Variants in DAB2IP observed in about 807,000 individuals in gnomAD.
The protein encoded by DAB2IP is DAB2 interacting protein.
DAB2IP carries 28 observed loss-of-function variants against 107.2 expected under a neutral mutation model. The ratio of observed to expected loss-of-function variants is 0.26; its 90% CI spans 0.19 to 0.36. The LOEUF (loss-of-function observed/expected upper bound fraction) is 0.36. DAB2IP is among the 10% of genes least tolerant of loss of function. The pLI is 1.00. For missense variants in DAB2IP, 1,400 were observed against 1,644.7 expected, an observed-to-expected ratio of 0.85 and a Z score of 2.57; for synonymous variants, 755 against 706.4, an observed-to-expected ratio of 1.07 and a Z score of -1.09.
chr9:121,642,033 T>C (rs13289393), intron 1 of DAB2IP, among the ~76,000 whole-genome samples: 419 of 11,366 alleles, frequency 0.037, 2 homozygotes, highest in East Asian at 0.057. Context: ...CTCTCTCTCT[T>C]TCTTTCTTTC....
chr9:121,691,519 C>CAA (rs528251007), intron 2 of DAB2IP, among the ~76,000 whole-genome samples: 29 of 73,634 alleles, frequency 3.9e-4, no homozygotes, highest in Non-Finnish European at 5.1e-4. Context: ...GACTCCATGT[C>CAA]AAAAAAAAAA....
intron 3 of DAB2IP, among the ~76,000 whole-genome samples, chr9:121,719,015 G>A (rs188781124): frequency 2.3e-4 from 35 of 152,308 alleles, no homozygotes; most frequent in Admixed American, 2.3e-3. Flanking sequence ...TGAGGGCACT[G>A]GATGGGATCT....
exon 16 of DAB2IP, chr9:121,783,457 G>A: frequency 6.2e-7 from 1 of 1,613,172 alleles, no homozygotes; most frequent in Non-Finnish European, 8.5e-7. Flanking sequence ...TCCTTCCTCT[G>A]AGTGATGGTT....
chr9:121,761,010 C>T (rs1439859550), intron 6 of DAB2IP, among the ~76,000 whole-genome samples: 6 of 152,294 alleles, frequency 3.9e-5, no homozygotes, highest in South Asian at 4.1e-4. Flanking sequence ...AAGCGGGAAT[C>T]GTCTGAGACC....
chr9:121,774,040 C>G (rs1449318766), intron 12 of DAB2IP, among the ~76,000 whole-genome samples: 1 of 152,194 alleles, frequency 6.6e-6, no homozygotes, highest in East Asian at 1.9e-4. Flanking sequence ...GAGTGTGGTG[C>G]TCAGGAGGCC....
At chr9:121,768,352 T>TG (rs1834448384) in intron 9 of DAB2IP, 80 bp from the exon 10 acceptor site, 2 of 1,443,396 alleles carry the variant, frequency 1.4e-6, no homozygotes, top group East Asian at 4.6e-5. Flanking sequence ...GGAAAGCGGG[T>TG]GGTGGTGTCC....
intron 3 of DAB2IP, among the ~76,000 whole-genome samples, chr9:121,704,942 G>A (rs1829981084): frequency 6.6e-6 from 1 of 152,224 alleles, no homozygotes; most frequent in African/African-American, 2.4e-5. Flanking sequence ...TTGTACTTGA[G>A]CCCCATGGGC....
intron 3 of DAB2IP, among the ~76,000 whole-genome samples, chr9:121,704,860 C>T (rs1829976956): frequency 6.6e-6 from 1 of 152,206 alleles, no homozygotes; most frequent in Non-Finnish European, 1.5e-5. Context: ...CTGAGGCACA[C>T]AGTCAAAGGC....
Position 121,699,311 on chromosome 9 carries a change from C to T in DAB2IP, c.229-14C>T, listed in dbSNP as rs547336350. 6.6e-6 allele frequency: 9 copies of T among 1,366,092 alleles called. No individual in the cohort carries two copies. The highest frequency in any genetic ancestry group is 7.9e-5 in the East Asian group (2 of 25,336). 84.6% of individuals were successfully genotyped at this position (1,366,092 alleles called of 1,614,324 possible). A position where few individuals can be genotyped will look rare whatever the true frequency, so the allele number is the denominator to read the frequency against. On this transcript the variant is annotated splice_polypyrimidine_tract_variant and intron_variant, in intron 2 of 15. Transcript: ENST00000408936. This position sits in a 1 kb window ranked among gnomAD's most constrained non-coding sequence, Gnocchi z 6.2. Reference sequence around the variant, plus strand: ...CCCCGCCTCCCCTTCCCCCTCTTGTCCCCCCGTGCGCAGGGCTTCCTCAGC... The same window carrying T: ...CCCCGCCTCCCCTTCCCCCTCTTGTTCCCCCGTGCGCAGGGCTTCCTCAGC...
At chr9:121,652,290 C>T (rs1832776040) in intron 1 of DAB2IP, among the ~76,000 whole-genome samples, 1 of 152,164 alleles carries the variant, frequency 6.6e-6, no homozygotes, top group African/African-American at 2.4e-5. Context: ...CTTCCCTTTC[C>T]AGGAACTTAA....
chr9:121,572,456 G>T (rs997459165), intron 1 of DAB2IP, among the ~76,000 whole-genome samples: 5 of 152,162 alleles, frequency 3.3e-5, no homozygotes, highest in African/African-American at 1.2e-4. Context: ...ATTAATGAGT[G>T]GCATGAGCTG....
intron 1 of DAB2IP, among the ~76,000 whole-genome samples, chr9:121,593,683 T>C (rs1201400953): frequency 6.7e-6 from 1 of 149,824 alleles, no homozygotes; most frequent in Admixed American, 6.6e-5. Context: ...CTTTTTTTTT[T>C]TTGTGACGGA....
At chr9:121,713,624 G>T (rs1830445321) in intron 3 of DAB2IP, among the ~76,000 whole-genome samples, 1 of 152,152 alleles carries the variant, frequency 6.6e-6, no homozygotes, top group Non-Finnish European at 1.5e-5. Flanking sequence ...GTTCCAGCTG[G>T]CTTGTCTTTC....
At chr9:121,582,237 A>G (rs985728790) in intron 1 of DAB2IP, among the ~76,000 whole-genome samples, 4 of 152,150 alleles carry the variant, frequency 2.6e-5, no homozygotes, top group African/African-American at 9.7e-5. Context: ...GGGGAGAGCA[A>G]GCTTTGAACT....
chr9:121,589,519 G>A (rs1162804664), intron 1 of DAB2IP, among the ~76,000 whole-genome samples: 1 of 152,146 alleles, frequency 6.6e-6, no homozygotes, highest in African/African-American at 2.4e-5. Flanking sequence ...TCCCAAGGCT[G>A]GTAGCAGAGC....
At chr9:121,642,087 C>T (rs1203896881) in intron 1 of DAB2IP, among the ~76,000 whole-genome samples, 1 of 129,340 alleles carries the variant, frequency 7.7e-6, no homozygotes, top group African/African-American at 3.0e-5. Context: ...TTCTTTCTCA[C>T]TTTCTTTTTT....
At chr9:121,773,985 C>G (rs1834981727) in intron 12 of DAB2IP, among the ~76,000 whole-genome samples, 1 of 152,174 alleles carries the variant, frequency 6.6e-6, no homozygotes, top group Non-Finnish European at 1.5e-5. Context: ...GCAGCCTGCC[C>G]CGGTGCCCCC....
intron 3 of DAB2IP, among the ~76,000 whole-genome samples, chr9:121,749,432 A>G (rs1233941167): frequency 6.6e-6 from 1 of 152,196 alleles, no homozygotes; most frequent in Non-Finnish European, 1.5e-5. Flanking sequence ...AGGCCTAGAG[A>G]GTCTGCTGAA....
chr9:121,782,423 C>T lies in DAB2IP; in HGVS notation c.3495C>T (p.Asn1165=), dbSNP rs935374749. ...AGAGGTACAGCATGCAAGCCCGTAA[C>T]GGCATCTCCCCCACCAACCCCACCA... is the stretch of plus-strand genomic sequence containing the variant. The change falls in exon 16 of 16, where the codon AAC becomes AAT. Residue 1165 remains asparagine, a synonymous_variant. Transcript: ENST00000408936. This position sits in a 1 kb window ranked among gnomAD's most constrained non-coding sequence, Gnocchi z 6.1. 9.9e-6 allele frequency: 16 copies of T among 1,614,034 alleles called. No individual in the cohort carries two copies. The highest frequency in any genetic ancestry group is 1.2e-5 in the Non-Finnish European group (14 of 1,180,004).
Sources: allele counts gnomAD v4.1 joint callset (sites outside exome capture counted in the v4.1 genomes callset), GRCh38; gene constraint gnomAD v4.1.1; non-coding constraint Gnocchi (gnomAD v3.1); transcripts MANE v1.5; gene names NCBI Gene and HGNC (gene_info 2026-07-23, HGNC 2026-07-21).